Variants in HEMK2 observed in about 807,000 individuals in gnomAD.
The protein encoded by HEMK2 is HemK methyltransferase 2, ETF1 glutamine and histone H4 lysine.
At chr21:28,698,875 A>C in the HEMK2 span, among the ~76,000 whole-genome samples, 84,602 of 152,106 alleles carry the variant, frequency 0.56, 26,209 homozygotes, top group East Asian at 0.84. Flanking sequence ...TAAAAAGACA[A>C]ACTATATCTT....
the HEMK2 span, among the ~76,000 whole-genome samples, chr21:28,614,426 C>T: frequency 6.7e-6 from 1 of 149,516 alleles, no homozygotes; most frequent in African/African-American, 2.5e-5. Context: ...AAAAAAAAAA[C>T]ATATTGAAAC....
chr21:28,588,782 G>C, the HEMK2 span, among the ~76,000 whole-genome samples: 35 of 152,160 alleles, frequency 2.3e-4, no homozygotes, highest in African/African-American at 6.5e-4. Flanking sequence ...AGGAGATCGA[G>C]ACCATCCTGG....
At chr21:28,593,795 C>G in the HEMK2 span, among the ~76,000 whole-genome samples, 2 of 152,112 alleles carry the variant, frequency 1.3e-5, no homozygotes, top group African/African-American at 4.8e-5. Context: ...AAATAAATGG[C>G]TACATAAGTA....
the HEMK2 span, among the ~76,000 whole-genome samples, chr21:28,604,715 C>A: frequency 2.6e-5 from 4 of 152,306 alleles, no homozygotes; most frequent in South Asian, 2.1e-4. Flanking sequence ...AGGGTGCAAA[C>A]CTCAGTGTCT....
the HEMK2 span, among the ~76,000 whole-genome samples, chr21:28,691,007 G>C: frequency 2.6e-5 from 4 of 152,158 alleles, no homozygotes; most frequent in African/African-American, 9.7e-5. Context: ...ATCAATCTCA[G>C]ATTGCATCCC....
At chr21:28,825,970 C>T in the HEMK2 span, among the ~76,000 whole-genome samples, 1,973 of 152,304 alleles carry the variant, frequency 0.013, 38 homozygotes, top group African/African-American at 0.045. Flanking sequence ...AGCTGGAAAA[C>T]GAGGCAGAGA....
chr21:28,829,758 C>T, the HEMK2 span, among the ~76,000 whole-genome samples: 1 of 152,112 alleles, frequency 6.6e-6, no homozygotes, highest in Non-Finnish European at 1.5e-5. Flanking sequence ...TTTCCCTAGA[C>T]CAATTAGTTT....
At chr21:28,794,234 A>T in the HEMK2 span, among the ~76,000 whole-genome samples, 16 of 152,216 alleles carry the variant, frequency 1.1e-4, no homozygotes, top group Non-Finnish European at 1.9e-4. Context: ...CTGTCTACCT[A>T]CAATTTTCAA....
At chr21:28,789,487 AT>A in the HEMK2 span, among the ~76,000 whole-genome samples, 1 of 152,194 alleles carries the variant, frequency 6.6e-6, no homozygotes, top group Non-Finnish European at 1.5e-5. Context: ...ATGTTATGCT[AT>A]TTTCTTAAAA....
chr21:28,642,407 C>CT, the HEMK2 span, among the ~76,000 whole-genome samples: 4 of 152,198 alleles, frequency 2.6e-5, no homozygotes, highest in Non-Finnish European at 5.9e-5. Flanking sequence ...TGAACAAATG[C>CT]TGGAAGCATC....
the HEMK2 span, among the ~76,000 whole-genome samples, chr21:28,817,562 A>G: frequency 6.6e-6 from 1 of 152,242 alleles, no homozygotes; most frequent in South Asian, 2.1e-4. Flanking sequence ...CTAGATTTCA[A>G]CTGAAAAACA....
the HEMK2 span, among the ~76,000 whole-genome samples, chr21:28,761,185 C>T: frequency 6.6e-6 from 1 of 152,002 alleles, no homozygotes; most frequent in African/African-American, 2.4e-5. Flanking sequence ...CTTCAAGAAT[C>T]AGTTCATAAG....
the HEMK2 span, among the ~76,000 whole-genome samples, chr21:28,815,615 G>A: frequency 6.6e-6 from 1 of 151,992 alleles, no homozygotes; most frequent in African/African-American, 2.4e-5. Flanking sequence ...GACATTCCAT[G>A]CCTCCAACAC....
At chr21:28,815,212 A>G in the HEMK2 span, among the ~76,000 whole-genome samples, 1 of 121,236 alleles carries the variant, frequency 8.2e-6, no homozygotes, top group Non-Finnish European at 1.6e-5. Context: ...GGGGAACATC[A>G]TACACTGGGG....
chr21:28,767,941 C>A, the HEMK2 span, among the ~76,000 whole-genome samples: 1 of 151,974 alleles, frequency 6.6e-6, no homozygotes, highest in Admixed American at 6.6e-5. Flanking sequence ...TCTATGTGCC[C>A]CTCCAGCGAC....
chr21:28,823,864 C>T, the HEMK2 span, among the ~76,000 whole-genome samples: 11 of 152,118 alleles, frequency 7.2e-5, no homozygotes, highest in African/African-American at 2.7e-4. Flanking sequence ...AAAAAGAAGT[C>T]ACAGTTGAAG....
chr21:28,857,761 T>G, the HEMK2 span, among the ~76,000 whole-genome samples: 1 of 152,210 alleles, frequency 6.6e-6, no homozygotes, highest in Non-Finnish European at 1.5e-5. Flanking sequence ...TAACCAAAGA[T>G]TTCCCTCCTT....
At chr21:28,759,778 T>C in the HEMK2 span, among the ~76,000 whole-genome samples, 57 of 152,280 alleles carry the variant, frequency 3.7e-4, no homozygotes, top group Non-Finnish European at 6.3e-4. Context: ...TCATTCTCTC[T>C]TGTCTGCCAC....
chr21:28,611,494 T>C, the HEMK2 span, among the ~76,000 whole-genome samples: 2 of 152,080 alleles, frequency 1.3e-5, no homozygotes, highest in Non-Finnish European at 2.9e-5. Context: ...AGGAGATAGA[T>C]AAATGCCTAG....
Sources: allele counts gnomAD v4.1 joint callset (sites outside exome capture counted in the v4.1 genomes callset), GRCh38; gene constraint gnomAD v4.1.1; transcripts MANE v1.5; gene names NCBI Gene and HGNC (gene_info 2026-07-23, HGNC 2026-07-21).